The following IQSEC3 variants were observed in gnomAD, a reference collection of about 807,000 sequenced individuals.
IQSEC3 encodes the protein IQ motif and Sec7 domain ArfGEF 3.
A neutral mutation model predicts 105.4 loss-of-function variants in IQSEC3; 50 were observed. The ratio of observed to expected loss-of-function variants is 0.47; its 90% CI spans 0.38 to 0.60. IQSEC3 has a LOEUF of 0.60. IQSEC3 is among the 20% of genes least tolerant of loss of function. The probability of loss-of-function intolerance (pLI) is 0.00; values close to 1 mark genes in which losing one functional copy is unlikely to be tolerated. For synonymous variants in IQSEC3, 708 were observed against 746.0 expected, an observed-to-expected ratio of 0.95 and a Z score of 0.83; for missense variants, 1,415 against 1,630.0, an observed-to-expected ratio of 0.87 and a Z score of 2.27.
At chr12:146,677 A>AAG (rs1279860601) in intron 5 of IQSEC3, among the ~76,000 whole-genome samples, 10 of 148,556 alleles carry the variant, frequency 6.7e-5, no homozygotes, top group African/African-American at 9.9e-5. Flanking sequence ...GAAAGAGAGA[A>AAG]AGAGAGAGAG....
At position 130,447 on chromosome 12, in the gene IQSEC3, G is replaced by A. The variant is rs1454441142; in HGVS notation, c.903+4535G>A. ...GTAATGCAGCCAAGACATGGACTCC[G>A]CAGCCCATGGTTTCGACCCTGTACC... On this transcript the variant is annotated intron_variant, in intron 3 of 13. Coordinates refer to ENST00000538872, the MANE Select transcript of IQSEC3 (RefSeq NM_001170738.2). Among the ~76,000 whole-genome samples, 11 of 152,212 alleles carry A rather than the reference G, an allele frequency of 7.2e-5. No homozygotes were observed. In the East Asian group the frequency reaches 1.5e-3, roughly 21 times the overall value.
intron 2 of IQSEC3, among the ~76,000 whole-genome samples, chr12:100,530 CAGAG>C (rs1448086512): frequency 1.3e-5 from 2 of 152,124 alleles, no homozygotes; most frequent in Non-Finnish European, 2.9e-5. Flanking sequence ...CAGCAGAGGT[CAGAG>C]AAAGAGGCGG....
In IQSEC3 at chr12:178,093, A is replaced by G. The variant is rs2137082092; in HGVS notation, c.*3060A>G. The G allele has an allele frequency of 6.9e-6, 1 of 144,454 alleles. No homozygotes were observed. Among genetic ancestry groups the G allele is most frequent in the African/African-American group, 2.7e-5 (1 of 36,686 alleles). The allele number at this position is 144,454 out of a possible 1,614,324, so 8.9% of individuals were successfully genotyped here. On this transcript the variant is annotated 3_prime_UTR_variant, in exon 14 of 14. Coordinates refer to ENST00000538872, the MANE Select transcript of IQSEC3 (RefSeq NM_001170738.2). ...TAGATCTGAAGCAAGCTCTACCAGC[A>G]GCGTGTCCTGGAAGCCTGCCTGCCT...
intron 3 of IQSEC3, among the ~76,000 whole-genome samples, chr12:126,300 G>A (rs1555083477): frequency 6.6e-6 from 1 of 152,206 alleles, no homozygotes; most frequent in African/African-American, 2.4e-5. Flanking sequence ...GGGAGCCGGT[G>A]TTAGGCACCC....
chr12:109,381 C>A (rs1864795349), intron 2 of IQSEC3, among the ~76,000 whole-genome samples: 1 of 152,156 alleles, frequency 6.6e-6, no homozygotes, highest in Non-Finnish European at 1.5e-5. Context: ...TAGTTCGGAT[C>A]TTCCTTATGT....
In IQSEC3 at chr12:138,524, G is replaced by T; in HGVS notation, c.1161G>T (p.Leu387=). 1 of 1,578,552 alleles carries T rather than the reference G, an allele frequency of 6.3e-7. No individual in the cohort carries two copies. The change falls in exon 4 of 14, where the codon CTG becomes CTT. Residue 387 remains leucine (L), a synonymous_variant. Coordinates refer to ENST00000538872, the MANE Select transcript of IQSEC3 (RefSeq NM_001170738.2). This position sits in a 1 kb window ranked among gnomAD's most constrained non-coding sequence, Gnocchi z 7.1. ...VGLPLVRSPS[L]PPTFAGTLTE... is the part of the protein sequence containing the mutation. The stretch of plus-strand genomic sequence containing the variant: ...TGCCGCTGGTGCGCTCGCCCTCCCT[G>T]CCGCCCACCTTCGCAGGCACCCTCA...
intron 2 of IQSEC3, among the ~76,000 whole-genome samples, chr12:123,295 G>A (rs1007638085): frequency 5.3e-5 from 8 of 151,970 alleles, no homozygotes; most frequent in African/African-American, 1.9e-4. Flanking sequence ...CCTGTAGCCC[G>A]GTGTGGTGGT....
intron 5 of IQSEC3, among the ~76,000 whole-genome samples, chr12:151,401 C>T (rs891571689): frequency 2.0e-5 from 3 of 152,214 alleles, no homozygotes; most frequent in Non-Finnish European, 4.4e-5. Context: ...CCCTGCACCT[C>T]GAGTCCCATC....
chr12:77,817 G>C (rs1863597706), intron 1 of IQSEC3: 1 of 165,326 alleles, frequency 6.0e-6, no homozygotes, highest in African/African-American at 2.4e-5. Context: ...CGCCGGGCCA[G>C]CCTGGGGAAA....
At position 141,200 on chromosome 12, in the gene IQSEC3, C is replaced by T. The variant is rs782131037; in HGVS notation, c.2068C>T (p.Leu690Phe). The T allele has an allele frequency of 7.9e-5, 128 of 1,613,822 alleles. No homozygotes were observed. The highest frequency in any genetic ancestry group is 1.1e-4 in the Non-Finnish European group (127 of 1,179,996). Residue 690 changes from leucine (L) to phenylalanine (F), a missense_variant, in exon 5 of 14, where the codon CTC becomes TTC. This residue lies in a region of IQSEC3 where 213 missense variants were observed against 306.2 expected (regional missense o/e 0.70). Coordinates refer to ENST00000538872, the MANE Select transcript of IQSEC3 (RefSeq NM_001170738.2). The part of the protein sequence containing the change: ...PDTPIGVAHF[L>F]LQRKGLSRQM... The stretch of plus-strand genomic sequence containing the variant: ...CACCCCCATCGGTGTGGCCCATTTC[C>T]TCCTCCAGCGAAAGGGCCTCAGCCG...
intron 9 of IQSEC3, 25 bp from the exon 10 acceptor site, chr12:165,409 A>G: frequency 6.3e-7 from 1 of 1,583,338 alleles, no homozygotes; most frequent in East Asian, 2.2e-5. Context: ...TCATCAGGGC[A>G]TGCCTGTTTC....
At chr12:161,837 CTGGA>C in intron 7 of IQSEC3, 85 bp from the exon 8 acceptor site, 1 of 1,377,032 alleles carries the variant, frequency 7.3e-7, no homozygotes, top group African/African-American at 1.4e-5. Context: ...GAGCTCCAGG[CTGGA>C]TGGGGGTCTC....
chr12:88,009 G>T (rs1555072498), intron 1 of IQSEC3, among the ~76,000 whole-genome samples: 1 of 152,240 alleles, frequency 6.6e-6, no homozygotes, highest in African/African-American at 2.4e-5. Flanking sequence ...CCCTTGCAGG[G>T]AGGGGCACGC....
At chr12:155,929 G>A (rs115172996) in intron 5 of IQSEC3, among the ~76,000 whole-genome samples, 5 of 152,280 alleles carry the variant, frequency 3.3e-5, no homozygotes, top group South Asian at 2.1e-4. Context: ...CTTGGTCTGC[G>A]TCTCCCAAAG....
intron 2 of IQSEC3, among the ~76,000 whole-genome samples, chr12:103,585 C>T (rs1453328707): frequency 4.2e-4 from 1 of 2,370 alleles, no homozygotes; most frequent in Non-Finnish European, 6.8e-4. Context: ...GAGGTGGGGG[C>T]TCAGGAGGGG....
At chr12:145,743 T>C (rs946974051) in intron 5 of IQSEC3, among the ~76,000 whole-genome samples, 2 of 152,270 alleles carry the variant, frequency 1.3e-5, no homozygotes, top group African/African-American at 2.4e-5. Flanking sequence ...CTCTCGGTTT[T>C]CACATGGCTG....
At chr12:172,260 C>T (rs1555100585) in intron 13 of IQSEC3, among the ~76,000 whole-genome samples, 3 of 149,938 alleles carry the variant, frequency 2.0e-5, no homozygotes, top group African/African-American at 2.5e-5. Flanking sequence ...CTGGAGGAGG[C>T]ACCTTTACAA....
At chr12:122,106 C>T (rs1173371938) in intron 2 of IQSEC3, among the ~76,000 whole-genome samples, 1 of 152,182 alleles carries the variant, frequency 6.6e-6, no homozygotes, top group Non-Finnish European at 1.5e-5. Flanking sequence ...GATAGGGGTT[C>T]CCTTTCCAAC....
intron 12 of IQSEC3, among the ~76,000 whole-genome samples, 189 bp downstream of exon 12, chr12:169,294 G>T (rs1555099597): frequency 6.6e-6 from 1 of 152,236 alleles, no homozygotes; most frequent in African/African-American, 2.4e-5. Flanking sequence ...GAAGGCGAGA[G>T]AGAAATGTGT....
Sources: allele counts gnomAD v4.1 joint callset (sites outside exome capture counted in the v4.1 genomes callset), GRCh38; gene constraint gnomAD v4.1.1; regional missense constraint gnomAD v4.1.1; non-coding constraint Gnocchi (gnomAD v3.1); transcripts MANE v1.5; gene names NCBI Gene and HGNC (gene_info 2026-07-23, HGNC 2026-07-21).